STPG2: variants seen among roughly 807,000 people sequenced by gnomAD.
STPG2 encodes sperm tail PG-rich repeat containing 2.
STPG2 carries 56 observed loss-of-function variants against 54.2 expected under a neutral mutation model. The observed-to-expected ratio is 1.03, with a 90% CI of 0.83 to 1.29. The LOEUF (loss-of-function observed/expected upper bound fraction) is 1.29. STPG2 is among the 50% of genes most tolerant of loss of function. The pLI is 0.00. For missense variants in STPG2, 596 were observed against 544.9 expected, an observed-to-expected ratio of 1.09 and a Z score of -0.93; for synonymous variants, 200 against 181.8, an observed-to-expected ratio of 1.10 and a Z score of -0.81.
At chr4:97,666,700 T>A (rs1219262261) in intron 10 of STPG2, among the ~76,000 whole-genome samples, 2 of 152,200 alleles carry the variant, frequency 1.3e-5, no homozygotes, top group African/African-American at 4.8e-5. Flanking sequence ...AGGGCAGGTA[T>A]CATGCTAAGC....
intron 9 of STPG2, among the ~76,000 whole-genome samples, chr4:97,815,458 T>C (rs1727879870): frequency 6.6e-6 from 1 of 152,208 alleles, no homozygotes. Context: ...AGTTTCAGCT[T>C]TCCGAATATT....
At chr4:97,585,292 G>A (rs185982846) in intron 10 of STPG2, among the ~76,000 whole-genome samples, 75 of 151,946 alleles carry the variant, frequency 4.9e-4, no homozygotes, top group Middle Eastern at 6.8e-3. Context: ...GATATCCAGT[G>A]AACACCATCA....
intron 5 of STPG2, among the ~76,000 whole-genome samples, chr4:98,105,116 TCA>T (rs1230839935): frequency 1.3e-5 from 2 of 152,244 alleles, no homozygotes; most frequent in Non-Finnish European, 2.9e-5. Context: ...TTTCTGTATC[TCA>T]CTTTCAATTC....
chr4:97,649,561 TG>T (rs972749742), intron 10 of STPG2, among the ~76,000 whole-genome samples: 1 of 152,182 alleles, frequency 6.6e-6, no homozygotes, highest in African/African-American at 2.4e-5. Flanking sequence ...AGGGATTTGC[TG>T]GGCTTTGCCT....
intron 10 of STPG2, among the ~76,000 whole-genome samples, chr4:97,634,318 C>T (rs916872811): frequency 3.3e-5 from 5 of 152,084 alleles, no homozygotes; most frequent in South Asian, 2.1e-4. Context: ...ACAGAAAGGA[C>T]ATCCACACCA....
intron 8 of STPG2, among the ~76,000 whole-genome samples, chr4:97,878,105 T>C (rs1008315978): frequency 1.3e-5 from 2 of 152,212 alleles, no homozygotes; most frequent in African/African-American, 4.8e-5. Context: ...CAGGTCACAC[T>C]GATGCAAGAG....
chr4:97,976,961 A>T (rs561239124), intron 6 of STPG2, among the ~76,000 whole-genome samples: 2 of 152,330 alleles, frequency 1.3e-5, no homozygotes, highest in East Asian at 3.9e-4. Context: ...AAGCAACTCA[A>T]AATCAAAGCT....
At chr4:97,951,165 G>T (rs974772189) in intron 7 of STPG2, among the ~76,000 whole-genome samples, 1 of 152,116 alleles carries the variant, frequency 6.6e-6, no homozygotes, top group Non-Finnish European at 1.5e-5. Context: ...CTGACTCACT[G>T]TCCCCTACCC....
intron 6 of STPG2, among the ~76,000 whole-genome samples, chr4:97,972,818 C>T (rs769526556): frequency 1.3e-5 from 2 of 152,148 alleles, no homozygotes; most frequent in African/African-American, 4.8e-5. Context: ...ATAGGAGTTT[C>T]CCTGTACAAC....
At chr4:97,801,979 A>G (rs1016880542) in intron 9 of STPG2, among the ~76,000 whole-genome samples, 2 of 152,220 alleles carry the variant, frequency 1.3e-5, no homozygotes, top group Non-Finnish European at 2.9e-5. Flanking sequence ...ATGCATTAGA[A>G]TCACCAGGAG....
At position 98,143,048 on chromosome 4, in the gene STPG2, C is replaced by T. The variant is rs776763711; in HGVS notation, c.103G>A (p.Ala35Thr). 1 of 1,611,252 alleles carries T rather than the reference C, an allele frequency of 6.2e-7. No individual in the cohort carries two copies. Among genetic ancestry groups the T allele is most frequent in the Non-Finnish European group, 8.5e-7 (1 of 1,178,436 alleles). The change falls in exon 1 of 11, where the codon GCG (alanine) becomes ACG (threonine). Residue 35 changes from alanine (A) to threonine (T), a missense_variant. Physicochemically the swap from Ala to Thr is moderately conservative, Grantham distance 58. Transcript: ENST00000295268. ...SYQVPFLKQQATGSNAPFLSL... is the reference protein window; with the variant it reads ...SYQVPFLKQQTTGSNAPFLSL... ...GCCTCTTCCTACATCTTACCTGTCG[C>T]CTGCTGCTTCAGGAAAGGTACCTGG... is the stretch of plus-strand genomic sequence containing the variant.
chr4:97,811,446 GTTCAT>G (rs966991574), intron 9 of STPG2, among the ~76,000 whole-genome samples: 1 of 151,932 alleles, frequency 6.6e-6, no homozygotes, highest in African/African-American at 2.4e-5. Context: ...GTTCTTTCTA[GTTCAT>G]TTCTTTTTAT....
intron 7 of STPG2, among the ~76,000 whole-genome samples, chr4:97,955,334 C>A (rs910102933): frequency 2.0e-5 from 3 of 151,900 alleles, no homozygotes; most frequent in Non-Finnish European, 4.4e-5. Flanking sequence ...CCTGCCTCAG[C>A]CTCCTGAGCA....
chr4:97,482,437 T>C (rs1214728291), intron 4 of STPG2, among the ~76,000 whole-genome samples: 1 of 151,530 alleles, frequency 6.6e-6, no homozygotes, highest in African/African-American at 2.4e-5. Flanking sequence ...AGAAATAGAA[T>C]TGAATGAGTA....
chr4:97,854,273 G>C (rs558156786), intron 8 of STPG2, among the ~76,000 whole-genome samples: 6 of 151,896 alleles, frequency 4.0e-5, no homozygotes, highest in Non-Finnish European at 8.8e-5. Context: ...CTTTTTTGCT[G>C]GCTATATAAC....
intron 8 of STPG2, among the ~76,000 whole-genome samples, chr4:97,942,385 C>A (rs1158271917): frequency 1.3e-5 from 2 of 151,932 alleles, no homozygotes; most frequent in African/African-American, 2.4e-5. Flanking sequence ...TACAGTTGAA[C>A]TCTAAAATTC....
At chr4:97,539,912 AT>A (rs1731650319) in intron 4 of STPG2, among the ~76,000 whole-genome samples, 1 of 152,202 alleles carries the variant, frequency 6.6e-6, no homozygotes, top group Admixed American at 6.5e-5. Context: ...AGAAATAAAG[AT>A]TTCTTTGAAA....
At chr4:98,076,119 C>T (rs1438034328) in intron 5 of STPG2, among the ~76,000 whole-genome samples, 1 of 152,040 alleles carries the variant, frequency 6.6e-6, no homozygotes, top group Non-Finnish European at 1.5e-5. Flanking sequence ...TGGCGGGCGC[C>T]TGTAGTCCCA....
intron 9 of STPG2, among the ~76,000 whole-genome samples, chr4:97,790,771 T>C (rs1726966084): frequency 1.3e-5 from 2 of 152,196 alleles, no homozygotes; most frequent in African/African-American, 2.4e-5. Context: ...TGTGATTAGA[T>C]TGGGCCCACC....
Sources: allele counts gnomAD v4.1 joint callset (sites outside exome capture counted in the v4.1 genomes callset), GRCh38; gene constraint gnomAD v4.1.1; transcripts MANE v1.5; gene names NCBI Gene and HGNC (gene_info 2026-07-23, HGNC 2026-07-21).